Variants in HPS4 observed in about 807,000 individuals in gnomAD.
HPS4 encodes HPS4 biogenesis of lysosomal organelles complex 3 subunit 2.
In HPS4, 44 loss-of-function variants were observed where a neutral mutation model predicts 70.3. That is an observed-to-expected ratio of 0.63 (90% CI 0.49 to 0.80). The LOEUF is 0.80. Ranked by LOEUF, HPS4 falls within the 30% of genes least tolerant of loss-of-function variation. The pLI is 0.00. For missense variants in HPS4, 873 were observed against 884.4 expected, an observed-to-expected ratio of 0.99 and a Z score of 0.16; for synonymous variants, 377 against 355.9, an observed-to-expected ratio of 1.06 and a Z score of -0.67.
intron 12 of HPS4, among the ~76,000 whole-genome samples, 165 bp from the exon 13 acceptor site, chr22:26,458,132 G>A (rs1337204720): frequency 6.6e-6 from 1 of 152,272 alleles, no homozygotes; most frequent in Non-Finnish European, 1.5e-5. Flanking sequence ...GGCTGCCGCC[G>A]CTGTGCGATG....
In HPS4 at chr22:26,464,831, CA is replaced by C; in HGVS notation, c.804-6del. On this transcript the variant is annotated splice_polypyrimidine_tract_variant and splice_region_variant and intron_variant, in intron 10 of 13. Transcript: ENST00000398145. ...CCTGCTGGAGATGCTAGAGACCTGG[CA>C]AACAAGAGAGATGTAAGGAAGGGGC... The C allele has an allele frequency of 6.3e-7, 1 of 1,589,832 alleles. No homozygotes were observed.
At position 26,453,022 on chromosome 22, in the gene HPS4, C is replaced by G; in HGVS notation, c.*211G>C. 1 of 584,410 alleles carries G rather than the reference C, an allele frequency of 1.7e-6. No homozygotes were observed. The highest frequency in any genetic ancestry group is 3.0e-6 in the Non-Finnish European group (1 of 330,212). The allele number at this position is 584,410 out of a possible 1,614,324, so 36.2% of individuals were successfully genotyped here. On this transcript the variant is annotated 3_prime_UTR_variant, in exon 14 of 14. Coordinates refer to ENST00000398145, the MANE Select transcript of HPS4 (RefSeq NM_022081.6). Reference sequence around the variant, plus strand: ...CTACCGATTAAATACAGTTCTTTATCAAGTGCTCTGGGTCTGCCGACCTGA... The same window carrying G: ...CTACCGATTAAATACAGTTCTTTATGAAGTGCTCTGGGTCTGCCGACCTGA...
intron 12 of HPS4, among the ~76,000 whole-genome samples, 175 bp from the exon 13 acceptor site, chr22:26,458,142 G>A (rs967136407): frequency 3.3e-5 from 5 of 152,288 alleles, no homozygotes; most frequent in African/African-American, 4.8e-5. Flanking sequence ...GCTGTGCGAT[G>A]CAGCACCCGG....
rs141684342 is a variant in HPS4, at chr22:26,477,043, G to T, written c.226C>A (p.Arg76Ser). 6.2e-7 allele frequency: 1 copy of T among 1,614,086 alleles called. No homozygotes were observed. The highest frequency in any genetic ancestry group is 8.5e-7 in the Non-Finnish European group (1 of 1,179,956). ...DISDSPPTLV[R>S]LRKLKFAIKV... ...ATGGCAAACTTCAGTTTTCTCAGAC[G>T]AACAAGAGTAGGAGGAGAGTCAGAA... The change falls in exon 4 of 14, where the codon CGT becomes AGT. Residue 76 changes from arginine (R) to serine (S), a missense_variant. Physicochemically the swap from Arg to Ser is moderately radical, Grantham distance 110. Transcript: ENST00000398145.
At chr22:26,477,285 T>C (rs1196310985) in intron 3 of HPS4, 149 bp from the exon 4 acceptor site, 1 of 801,722 alleles carries the variant, frequency 1.2e-6, no homozygotes, top group South Asian at 1.5e-5. Context: ...TTATACTTTT[T>C]AAAGGTTACA....
At position 26,461,646 on chromosome 22, in the gene HPS4, T is replaced by C. The variant is rs1189054304; in HGVS notation, c.1713+2271A>G. On this transcript the variant is annotated intron_variant, in intron 11 of 13. Transcript: ENST00000398145. ...GGTGTGCTCACCGTAACTGGGGGTA[T>C]TTGGTTTTTCTAGACAGTAGCAGAG... Among the ~76,000 whole-genome samples, 4 of 152,102 alleles carry C rather than the reference T, an allele frequency of 2.6e-5. No individual in the cohort carries two copies. In the South Asian group the frequency reaches 8.3e-4, roughly 32 times the overall value.
chr22:26,460,027 G>A (rs2146419657), intron 11 of HPS4, among the ~76,000 whole-genome samples: 1 of 152,282 alleles, frequency 6.6e-6, no homozygotes, highest in Non-Finnish European at 1.5e-5. Context: ...GGAGTATATT[G>A]GTGTTAAATC....
intron 11 of HPS4, among the ~76,000 whole-genome samples, chr22:26,462,843 A>G (rs1334338977): frequency 5.9e-5 from 9 of 152,202 alleles, no homozygotes; most frequent in African/African-American, 2.2e-4. Flanking sequence ...CAAATGAGCC[A>G]TAACTCAGTG....
intron 13 of HPS4, among the ~76,000 whole-genome samples, chr22:26,457,641 C>G (rs2086389587): frequency 6.6e-6 from 1 of 152,202 alleles, no homozygotes; most frequent in African/African-American, 2.4e-5. Context: ...TGCTGGACCC[C>G]AAGCGTCTAA....
intron 12 of HPS4, 43 bp downstream of exon 12, chr22:26,458,402 A>G: frequency 6.2e-7 from 1 of 1,612,668 alleles, no homozygotes; most frequent in Non-Finnish European, 8.5e-7. Flanking sequence ...CCCATCTAGA[A>G]TCTGGCATCC....
chr22:26,472,829 T>C lies in HPS4; in HGVS notation c.384+3A>G, dbSNP rs1220944862. On this transcript the variant is annotated splice_donor_region_variant and intron_variant, in intron 5 of 13. Coordinates refer to ENST00000398145, the MANE Select transcript of HPS4 (RefSeq NM_022081.6). ...GTAAGACTCCTCAACCCCATACTTGTACCTCATAAGCTAGGGAAACAGGTC... is the reference window on the plus strand; with the variant it reads ...GTAAGACTCCTCAACCCCATACTTGCACCTCATAAGCTAGGGAAACAGGTC... 1 of 1,608,878 alleles carries C rather than the reference T, an allele frequency of 6.2e-7. No homozygotes were observed.
At chr22:26,464,936 G>A (rs2088205167) in intron 10 of HPS4, 110 bp from the exon 11 acceptor site, 2 of 1,013,782 alleles carry the variant, frequency 2.0e-6, no homozygotes, top group Middle Eastern at 2.2e-4. Context: ...GGGTGCCTGA[G>A]GCCACAGAGC....
chr22:26,458,595 G>T lies in HPS4; in HGVS notation c.1714-18C>A. The T allele has an allele frequency of 6.2e-7, 1 of 1,613,802 alleles. No individual in the cohort carries two copies. ...CTGTGGTACTGCAAAGGGGGAGAGG[G>T]TCATGGGCTTGTAGGGCTGACCTCA... On this transcript the variant is annotated intron_variant, in intron 11 of 13. Coordinates refer to ENST00000398145, the MANE Select transcript of HPS4 (RefSeq NM_022081.6).
At chr22:26,457,676 A>G (rs1282495955) in intron 13 of HPS4, among the ~76,000 whole-genome samples, 183 bp downstream of exon 13, 1 of 152,246 alleles carries the variant, frequency 6.6e-6, no homozygotes, top group Non-Finnish European at 1.5e-5. Flanking sequence ...CAGAAAGTCC[A>G]TGGCACGTGA....
At position 26,464,344 on chromosome 22, in the gene HPS4, G is replaced by A. The variant is rs1396082295; in HGVS notation, c.1286C>T (p.Ser429Phe). 6 of 1,614,148 alleles carry A rather than the reference G, an allele frequency of 3.7e-6. No homozygotes were observed. The highest frequency in any genetic ancestry group is 5.1e-6 in the Non-Finnish European group (6 of 1,180,038). Reference sequence around the variant, plus strand: ...ATGCTGGGTCAGCATCTCAGGAGCAGAGGGAGGGCGCAAGCTGCTGATGGC... The same window carrying A: ...ATGCTGGGTCAGCATCTCAGGAGCAAAGGGAGGGCGCAAGCTGCTGATGGC... The part of the protein sequence containing the change: ...DTAISSLRPP[S>F]APEMLTQHGA... The change falls in exon 11 of 14, where the codon TCT becomes TTT. Residue 429 changes from serine to phenylalanine, a missense_variant. Physicochemically the swap from Ser to Phe is radical, Grantham distance 155. Transcript: ENST00000398145.
chr22:26,482,278 G>A (rs781474330), intron 1 of HPS4, 38 bp from the exon 2 acceptor site: 71 of 164,438 alleles, frequency 4.3e-4, no homozygotes, highest in Non-Finnish European at 7.2e-4. Flanking sequence ...TCAGCAACTC[G>A]TGAGAGAGCA....
intron 3 of HPS4, 63 bp from the exon 4 acceptor site, chr22:26,477,199 T>C (rs2090671187): frequency 1.3e-6 from 2 of 1,577,562 alleles, no homozygotes; most frequent in African/African-American, 1.3e-5. Flanking sequence ...AGTCATTTCT[T>C]ACAGCATACT....
chr22:26,472,290 T>A lies in HPS4; in HGVS notation c.501+12A>T, dbSNP rs1213843380. ...TTACATATAAAATGAATAAGGAGGA[T>A]GAAAATGTTACTTTAGTTTGGTCCA... On this transcript the variant is annotated intron_variant, in intron 6 of 13. Coordinates refer to ENST00000398145, the MANE Select transcript of HPS4 (RefSeq NM_022081.6). The A allele has an allele frequency of 1.4e-6, 2 of 1,456,346 alleles. No individual in the cohort carries two copies. The highest frequency in any genetic ancestry group is 1.9e-6 in the Non-Finnish European group (2 of 1,036,216). The allele number at this position is 1,456,346 out of a possible 1,614,324, so 90.2% of individuals were successfully genotyped here.
At chr22:26,470,925 G>A in intron 6 of HPS4, 112 bp from the exon 7 acceptor site, 1 of 1,554,180 alleles carries the variant, frequency 6.4e-7, no homozygotes, top group South Asian at 1.2e-5. Context: ...CTCAAAGCCT[G>A]GAAAAGGAGA....
Sources: gnomAD v4.1 joint callset for allele counts (sites outside exome capture counted in the v4.1 genomes callset) on GRCh38, gnomAD v4.1.1 for gene constraint, MANE v1.5 for transcripts, NCBI Gene and HGNC (gene_info 2026-07-23, HGNC 2026-07-21) for gene names.